Variants in COPG2 observed in about 807,000 individuals in gnomAD.
The protein encoded by COPG2 is coatomer subunit gamma-2.
A neutral mutation model predicts 46.3 loss-of-function variants in COPG2; 37 were observed. The observed-to-expected ratio is 0.80, with a 90% CI of 0.61 to 1.05. COPG2 has a LOEUF of 1.05. Ranked by LOEUF, COPG2 falls within the 50% of genes least tolerant of loss-of-function variation. COPG2 has a pLI of 0.00. For synonymous variants in COPG2, 159 were observed against 129.7 expected (o/e 1.23, Z -1.53); for missense variants, 427 against 387.8 (o/e 1.10, Z -0.85).
intron 20 of COPG2, among the ~76,000 whole-genome samples, chr7:130,526,795 C>T (rs1003031146): frequency 2.1e-5 from 3 of 141,590 alleles, no homozygotes; most frequent in African/African-American, 7.9e-5. Flanking sequence ...TTGGGCCAGG[C>T]TCTTTACTAC....
At chr7:130,545,700 T>A (rs11538697) in intron 20 of COPG2, among the ~76,000 whole-genome samples, 21,911 of 152,088 alleles carry the variant, frequency 0.14, 2,859 homozygotes, top group African/African-American at 0.35. Context: ...AATGCCAAAC[T>A]TTTATAAACA....
Position 130,571,994 on chromosome 7 carries a change from G to C in COPG2, c.738-7601C>G, listed in dbSNP as rs1793913162. Among the ~76,000 whole-genome samples, 2 of 152,046 alleles carry C rather than the reference G, an allele frequency of 1.3e-5. 1 individual carries two copies. The highest frequency in any genetic ancestry group is 4.2e-4 in the South Asian group (2 of 4,810). Reference sequence around the variant, plus strand: ...ATTCTAAGTGAAGTAACTCAGGAAAGGAAACCCAAACATCACATGTTCTCA... The same window carrying C: ...ATTCTAAGTGAAGTAACTCAGGAAACGAAACCCAAACATCACATGTTCTCA... On this transcript the variant is annotated intron_variant, in intron 9 of 23. Transcript: ENST00000425248.
Position 130,668,710 on chromosome 7 carries a change from C to T in COPG2, c.-42G>A. 3 of 1,511,544 alleles carry T rather than the reference C, an allele frequency of 2.0e-6. No individual in the cohort carries two copies. The highest frequency in any genetic ancestry group is 1.3e-5 in the South Asian group (1 of 79,494). The allele number at this position is 1,511,544 out of a possible 1,614,324, so 93.6% of individuals were successfully genotyped here. A position where few individuals can be genotyped will look rare whatever the true frequency, so the allele number is the denominator to read the frequency against. The stretch of plus-strand genomic sequence containing the variant: ...GCGCCCAGACCCACCGCAACCGTCC[C>T]AGGCGCCGCAGCCGGCGAGCGGAAG... On this transcript the variant is annotated 5_prime_UTR_variant, in exon 1 of 24. Coordinates refer to ENST00000425248, the MANE Select transcript of COPG2 (RefSeq NM_012133.6).
At chr7:130,546,632 C>T (rs1309346762) in intron 20 of COPG2, among the ~76,000 whole-genome samples, 1 of 152,158 alleles carries the variant, frequency 6.6e-6, no homozygotes, top group African/African-American at 2.4e-5. Context: ...GAATCTACCT[C>T]GTGCTAGAGT....
At chr7:130,579,509 A>C (rs1191637139) in intron 9 of COPG2, among the ~76,000 whole-genome samples, 2 of 151,614 alleles carry the variant, frequency 1.3e-5, no homozygotes, top group African/African-American at 4.8e-5. Context: ...TATTAACTTT[A>C]AATGTAAATG....
At chr7:130,538,317 A>C (rs1337637883) in intron 20 of COPG2, among the ~76,000 whole-genome samples, 2 of 152,110 alleles carry the variant, frequency 1.3e-5, no homozygotes, top group African/African-American at 4.8e-5. Context: ...GAGTGGGGTC[A>C]GGGAAGTTGA....
Position 130,567,954 on chromosome 7 carries a change from T to C in COPG2, c.738-3561A>G, listed in dbSNP as rs1252428873. ...GCTACAACTAGCATGATGAATAGAA[T>C]AGTACCTCACTCACATCTCAGTAAT... On this transcript the variant is annotated intron_variant, in intron 9 of 23. Transcript: ENST00000425248. Among the ~76,000 whole-genome samples the C allele has an allele frequency of 5.3e-5, 8 of 152,210 alleles. No individual in the cohort carries two copies. In the South Asian group the frequency reaches 1.7e-3, roughly 32 times the overall value.
chr7:130,629,417 C>T (rs1584591706), intron 5 of COPG2, among the ~76,000 whole-genome samples: 1 of 140,346 alleles, frequency 7.1e-6, no homozygotes. Context: ...TTTTTTGAGA[C>T]AGAGTTTCAC....
chr7:130,569,024 A>G (rs1793851366), intron 9 of COPG2, among the ~76,000 whole-genome samples: 2 of 151,900 alleles, frequency 1.3e-5, no homozygotes, highest in Non-Finnish European at 2.9e-5. Flanking sequence ...CAATAATAGT[A>G]TATACAGACC....
intron 20 of COPG2, among the ~76,000 whole-genome samples, chr7:130,526,862 T>G (rs1176665138): frequency 1.3e-5 from 1 of 77,360 alleles, no homozygotes; most frequent in Non-Finnish European, 2.7e-5. Context: ...GATTTGGGAT[T>G]GGGTTTGGGA....
In COPG2 at chr7:130,550,627, C is replaced by T. The variant is rs1250272941; in HGVS notation, c.1671G>A (p.Gly557=). Residue 557 remains glycine (G), a synonymous_variant, in exon 17 of 24, where the codon GGG becomes GGA. Transcript: ENST00000425248. ...TGTACTGGTGTAAGGCTTTTTCCAT[C>T]CCTGGTACAGAGACCGTCAAACCTG... ...IFNGLTVSVP[G]MEKALHQYTL... 2 of 397,852 alleles carry T rather than the reference C, an allele frequency of 5.0e-6. No individual in the cohort carries two copies. Among genetic ancestry groups the T allele is most frequent in the African/African-American group, 4.1e-5 (2 of 48,530 alleles). The allele number at this position is 397,852 out of a possible 1,614,324, so 24.6% of individuals were successfully genotyped here. A position where few individuals can be genotyped will look rare whatever the true frequency, so the allele number is the denominator to read the frequency against.
chr7:130,534,126 A>G (rs1366019790), intron 20 of COPG2, among the ~76,000 whole-genome samples: 1 of 152,170 alleles, frequency 6.6e-6, no homozygotes, highest in Non-Finnish European at 1.5e-5. Context: ...AAGCCAGATC[A>G]TAAGAGCAGA....
chr7:130,653,988 A>C (rs1795800594), intron 4 of COPG2, among the ~76,000 whole-genome samples: 1 of 151,690 alleles, frequency 6.6e-6, no homozygotes, highest in African/African-American at 2.4e-5. Context: ...GTTCTGTGAG[A>C]AGCAGAAGAA....
chr7:130,663,691 G>A (rs976978896), intron 3 of COPG2, among the ~76,000 whole-genome samples: 20 of 149,596 alleles, frequency 1.3e-4, no homozygotes, highest in Admixed American at 4.0e-4. Context: ...TTCTGATTCA[G>A]TGGCTCTGGG....
chr7:130,538,686 G>C (rs1250209221), intron 20 of COPG2, among the ~76,000 whole-genome samples: 4 of 57,896 alleles, frequency 6.9e-5, no homozygotes, highest in South Asian at 5.4e-4. Context: ...CTGGGGGCCT[G>C]GGAGGGGATG....
chr7:130,623,923 T>C (rs533003732), intron 5 of COPG2, among the ~76,000 whole-genome samples: 148 of 152,312 alleles, frequency 9.7e-4, no homozygotes, highest in African/African-American at 3.2e-3. Context: ...CTTAGTCTAT[T>C]TGGGCTGCTA....
chr7:130,619,534 TTC>T (rs1484657715), intron 5 of COPG2, among the ~76,000 whole-genome samples: 2 of 152,200 alleles, frequency 1.3e-5, no homozygotes, highest in Non-Finnish European at 2.9e-5. Context: ...GTTAGTATTA[TTC>T]TTTTTGTATT....
chr7:130,517,141 G>T (rs1799686112), intron 20 of COPG2, among the ~76,000 whole-genome samples: 1 of 152,182 alleles, frequency 6.6e-6, no homozygotes, highest in East Asian at 1.9e-4. Flanking sequence ...GGTTCCTGCT[G>T]ATGTGAGGGG....
chr7:130,589,776 TAGTG>T (rs1466745975), intron 9 of COPG2, among the ~76,000 whole-genome samples: 1 of 152,184 alleles, frequency 6.6e-6, no homozygotes, highest in Non-Finnish European at 1.5e-5. Flanking sequence ...CTCTAATCAA[TAGTG>T]AGGTGATGCT....
Sources: allele counts gnomAD v4.1 joint callset (sites outside exome capture counted in the v4.1 genomes callset), GRCh38; gene constraint gnomAD v4.1.1; transcripts MANE v1.5; gene names NCBI Gene and HGNC (gene_info 2026-07-23, HGNC 2026-07-21).